ZNF66: variants seen among roughly 807,000 people sequenced by gnomAD.
The protein encoded by ZNF66 is putative zinc finger protein 66.
ZNF66 carries 32 observed loss-of-function variants against 35.2 expected under a neutral mutation model. The ratio of observed to expected loss-of-function variants is 0.91; its 90% confidence interval spans 0.69 to 1.22. ZNF66 has a LOEUF of 1.22. Ranked by LOEUF, ZNF66 falls within the 50% of genes most tolerant of loss-of-function variation. The probability of loss-of-function intolerance (pLI) is 0.00; values close to 1 mark genes in which losing one functional copy is unlikely to be tolerated. For synonymous variants in ZNF66, 231 were observed against 181.3 expected (o/e 1.27, Z -2.20); for missense variants, 666 against 543.1 (o/e 1.23, Z -2.25).
chr19:20,806,136 G>A lies in ZNF66; in HGVS notation c.536G>A (p.Gly179Asp), dbSNP rs138188166. The A allele has an allele frequency of 8.8e-3, 9,791 of 1,108,194 alleles. 315 individuals are homozygous for A. The highest frequency in any genetic ancestry group is 0.079 in the Admixed American group (4,454 of 56,724). 68.6% of individuals were successfully genotyped at this position (1,108,194 alleles called of 1,614,324 possible). ...AACCCTTGCAAATTTACAGAATGTG[G>A]CAAAGCTTTTAACCGGTCCTCAACC... ...GKNPCKFTECGKAFNRSSTFT... is the reference protein window; with the variant it reads ...GKNPCKFTECDKAFNRSSTFT... The change falls in exon 4 of 4, where the codon GGC (glycine) becomes GAC (aspartate). Residue 179 changes from glycine to aspartate, a missense_variant. By Grantham distance (94) the Gly-to-Asp change is moderately conservative (BLOSUM62 -1). Transcript: ENST00000344519.
At chr19:20,791,793 G>C (rs10411707) in intron 1 of ZNF66, among the ~76,000 whole-genome samples, 14,174 of 152,014 alleles carry the variant, frequency 0.093, 676 homozygotes, top group Middle Eastern at 0.11. Context: ...TGCAGTTAAT[G>C]GTTAATGATT....
Position 20,784,399 on chromosome 19 carries a change from T to TA in ZNF66, c.3+7950dup, listed in dbSNP as rs200755073. Among the ~76,000 whole-genome samples the TA allele has an allele frequency of 2.4e-4, 36 of 152,308 alleles. 1 individual carries two copies. In the East Asian group the frequency reaches 5.8e-3, roughly 25 times the overall value. On this transcript the variant is annotated intron_variant, in intron 1 of 3. Transcript: ENST00000344519. ...GTAGATATTTGTCTGACATATTTAT[T>TA]ACTTTATTCAATAGGAATAACAATG...
In ZNF66 at chr19:20,793,432, C is replaced by G. The variant is rs1971361095; in HGVS notation, c.131-351C>G. 2.8e-5 allele frequency among the ~76,000 whole-genome samples: 4 copies of G among 144,700 alleles called. No homozygotes were observed. In the South Asian group the frequency reaches 8.8e-4, roughly 32 times the overall value. 94.9% of individuals were successfully genotyped at this position (144,700 alleles called of 152,430 possible). ...TGCAACATCCACCTCCCAAGTTTCT[C>G]CTGCCTCAGCCTCCCGAGTATGTGG... On this transcript the variant is annotated intron_variant, in intron 2 of 3. Transcript: ENST00000344519.
chr19:20,805,981 A>G lies in ZNF66; in HGVS notation c.381A>G (p.Lys127=). 1 of 770,618 alleles carries G rather than the reference A, an allele frequency of 1.3e-6. No homozygotes were observed. The highest frequency in any genetic ancestry group is 1.6e-5 in the South Asian group (1 of 63,906). 47.7% of individuals were successfully genotyped at this position (770,618 alleles called of 1,614,324 possible). The change falls in exon 4 of 4, where the codon AAA becomes AAG. Residue 127 remains lysine, a synonymous_variant. Coordinates refer to ENST00000344519, the MANE Select transcript of ZNF66 (RefSeq NM_001355197.2). ...GTGTGGATAAGTGTAAAGTGCACAA[A>G]AGAGGTTATAATGGACTTAACCAAT... ...CESVDKCKVH[K]RGYNGLNQCL...
At chr19:20,784,695 A>G (rs941665228) in intron 1 of ZNF66, 3 of 152,228 alleles carry the variant, frequency 2.0e-5, no homozygotes, top group Admixed American at 2.0e-4. Context: ...AAGAAACTTT[A>G]TAAAATTATT....
rs1971192328 is a variant in ZNF66 at position 20,776,306 on chromosome 19, C to G, written c.-142C>G. 2 of 1,370,136 alleles carry G rather than the reference C, an allele frequency of 1.5e-6. No individual in the cohort carries two copies. The allele number at this position is 1,370,136 out of a possible 1,614,324, so 84.9% of individuals were successfully genotyped here. On this transcript the variant is annotated 5_prime_UTR_variant, in exon 1 of 4. Coordinates refer to ENST00000344519, the MANE Select transcript of ZNF66 (RefSeq NM_001355197.2). ...CTTCCGGATTTGGCGGGGTCTTTGT[C>G]TCTCCCTGCAGCTGGAGCTCCAGGT...
chr19:20,776,559 T>A, intron 1 of ZNF66, 109 bp downstream of exon 1: 1 of 1,362,568 alleles, frequency 7.3e-7, no homozygotes, highest in Non-Finnish European at 1.0e-6. Flanking sequence ...CTTACCCAGC[T>A]CTGCCTCAGT....
intron 3 of ZNF66, among the ~76,000 whole-genome samples, chr19:20,797,435 T>C (rs1971405927): frequency 6.7e-6 from 1 of 148,574 alleles, no homozygotes; most frequent in Non-Finnish European, 1.5e-5. Context: ...CTCGATCTCC[T>C]GACCTCGTGA....
intron 1 of ZNF66, among the ~76,000 whole-genome samples, chr19:20,781,845 A>G (rs1971248311): frequency 1.3e-5 from 2 of 151,694 alleles, no homozygotes; most frequent in Non-Finnish European, 2.9e-5. Flanking sequence ...GTCCAGCTTC[A>G]TTGATGTTAT....
chr19:20,790,853 C>T (rs1971330757), intron 1 of ZNF66, among the ~76,000 whole-genome samples: 1 of 152,156 alleles, frequency 6.6e-6, no homozygotes, highest in Non-Finnish European at 1.5e-5. Flanking sequence ...ACTTTTACTT[C>T]TCTACTTGTG....
At chr19:20,785,059 A>C (rs987143327) in intron 1 of ZNF66, 6 of 152,222 alleles carry the variant, frequency 3.9e-5, no homozygotes, top group African/African-American at 7.2e-5. Flanking sequence ...TTATAAGTAG[A>C]AAGTGAGGCT....
Position 20,806,791 on chromosome 19 carries a change from C to A in ZNF66, c.1191C>A (p.Tyr397Ter). 2 of 1,315,764 alleles carry A rather than the reference C, an allele frequency of 1.5e-6. No individual in the cohort carries two copies. Among genetic ancestry groups the A allele is most frequent in the East Asian group, 2.3e-5 (1 of 43,384 alleles). The allele number at this position is 1,315,764 out of a possible 1,614,324, so 81.5% of individuals were successfully genotyped here. ...TAATTCATACTGGAAAGAAACCTTA[C>A]AAATGTGAAGAATGTGGCAAAGTGT... Reference protein sequence around the residue: ...HKIIHTGKKPYKCEECGKVFK... With the variant: ...HKIIHTGKKP The change falls in exon 4 of 4, where the codon TAC (tyrosine) becomes TAA (stop). Residue 397 changes from tyrosine (Y) to a stop codon, truncating the protein, a stop_gained. Transcript: ENST00000344519. LOFTEE classifies it high-confidence loss of function.
At position 20,806,430 on chromosome 19, in the gene ZNF66, G is replaced by T. The variant is rs557992660; in HGVS notation, c.830G>T (p.Arg277Ile). 2,160 of 1,544,160 alleles carry T rather than the reference G, an allele frequency of 1.4e-3. 5 individuals carry two copies. The highest frequency in any genetic ancestry group is 1.7e-3 in the Non-Finnish European group (1,920 of 1,121,592). ...KRSSILTTHK[R>I]IHTGEKPYKC... is the part of the protein sequence containing the mutation. The stretch of plus-strand genomic sequence containing the variant: ...TCCTCTATCCTTACTACACATAAGA[G>T]AATTCATACTGGAGAGAAACCCTAC... The change falls in exon 4 of 4, where the codon AGA becomes ATA. Residue 277 changes from arginine to isoleucine, a missense_variant. By Grantham distance (97) the Arg-to-Ile change is moderately conservative. Coordinates refer to ENST00000344519, the MANE Select transcript of ZNF66 (RefSeq NM_001355197.2).
intron 3 of ZNF66, among the ~76,000 whole-genome samples, chr19:20,795,919 A>G (rs961892674): frequency 3.9e-5 from 6 of 152,296 alleles, no homozygotes; most frequent in African/African-American, 1.4e-4. Flanking sequence ...GGTGAACCCT[A>G]TCTGGTCTGT....
chr19:20,806,103 C>A lies in ZNF66; in HGVS notation c.503C>A (p.Thr168Asn), dbSNP rs181068308. 8.5e-6 allele frequency: 8 copies of A among 938,694 alleles called. No homozygotes were observed. Among genetic ancestry groups the A allele is most frequent in the Non-Finnish European group, 1.2e-5 (7 of 574,514 alleles). 58.1% of individuals were successfully genotyped at this position (938,694 alleles called of 1,614,324 possible). A position where few individuals can be genotyped will look rare whatever the true frequency, so the allele number is the denominator to read the frequency against. The part of the protein sequence containing the change: ...SNTNRHKIRH[T>N]GKNPCKFTEC... ...ACAAACAGACATAAGATAAGACATA[C>A]TGGAAAAAACCCTTGCAAATTTACA... The change falls in exon 4 of 4, where the codon ACT becomes AAT. Residue 168 changes from threonine to asparagine, a missense_variant. By Grantham distance (65) the Thr-to-Asn change is moderately conservative. Coordinates refer to ENST00000344519, the MANE Select transcript of ZNF66 (RefSeq NM_001355197.2).
chr19:20,785,737 TTTC>T (rs1971281142), intron 1 of ZNF66, among the ~76,000 whole-genome samples: 1 of 151,814 alleles, frequency 6.6e-6, no homozygotes, highest in African/African-American at 2.4e-5. Flanking sequence ...GGAGAAAATT[TTTC>T]TTCTTTTTCT....
intron 3 of ZNF66, among the ~76,000 whole-genome samples, chr19:20,803,151 T>C (rs910308167): frequency 1.3e-5 from 2 of 152,146 alleles, no homozygotes; most frequent in African/African-American, 2.4e-5. Context: ...GCAAGTTGAA[T>C]CTTGATTTTT....
At chr19:20,791,431 G>C (rs1315598001) in intron 1 of ZNF66, among the ~76,000 whole-genome samples, 2 of 149,232 alleles carry the variant, frequency 1.3e-5, no homozygotes. Flanking sequence ...GTTGCAGTGA[G>C]CTGAGATCGT....
intron 3 of ZNF66, chr19:20,794,160 G>T: frequency 2.1e-6 from 1 of 480,116 alleles, no homozygotes; most frequent in South Asian, 2.2e-5. Flanking sequence ...TGACATATAA[G>T]AGACAGCACA....
Sources: gnomAD v4.1 joint callset for allele counts (sites outside exome capture counted in the v4.1 genomes callset) on GRCh38, gnomAD v4.1.1 for gene constraint, MANE v1.5 for transcripts, NCBI Gene and HGNC (gene_info 2026-07-23, HGNC 2026-07-21) for gene names.